ANK1: variants seen among roughly 807,000 people sequenced by gnomAD.
ANK1 encodes ankyrin-1.
In ANK1, 51 loss-of-function variants were observed where a neutral mutation model predicts 210.4. That is an observed-to-expected ratio of 0.24 (90% CI 0.19 to 0.31). The LOEUF (loss-of-function observed/expected upper bound fraction) is 0.31. Ranked by LOEUF, ANK1 falls within the 10% of genes least tolerant of loss-of-function variation. The pLI is 1.00. For synonymous variants in ANK1, 967 were observed against 1,025.9 expected, an observed-to-expected ratio of 0.94 and a Z score of 1.10; for missense variants, 2,051 against 2,504.4, an observed-to-expected ratio of 0.82 and a Z score of 3.86.
chr8:41,892,557 C>A (rs1192294615), intron 1 of ANK1, among the ~76,000 whole-genome samples: 1 of 152,160 alleles, frequency 6.6e-6, no homozygotes, highest in South Asian at 2.1e-4. Context: ...GTAGCAGAGA[C>A]CCTGCAAGGA....
At chr8:41,831,913 C>T (rs1039205975) in intron 1 of ANK1, among the ~76,000 whole-genome samples, 6 of 152,118 alleles carry the variant, frequency 3.9e-5, no homozygotes, top group Non-Finnish European at 5.9e-5. Context: ...TGCTGCTACA[C>T]GGATGCAAGG....
Position 41,692,885 on chromosome 8 carries a change from T to C in ANK1, c.3630-9A>G, listed in dbSNP as rs1431573420. On this transcript the variant is annotated splice_polypyrimidine_tract_variant and intron_variant, in intron 30 of 42. Coordinates refer to ENST00000289734, the MANE Select transcript of ANK1 (RefSeq NM_000037.4). Reference sequence around the variant, plus strand: ...AGTCCGACAGCCAAAACCTAAAAAGTAGGGCGAGTTATGTGTTCCCAAGTG... The same window carrying C: ...AGTCCGACAGCCAAAACCTAAAAAGCAGGGCGAGTTATGTGTTCCCAAGTG... 8 of 1,612,084 alleles carry C rather than the reference T, an allele frequency of 5.0e-6. No homozygotes were observed. Among genetic ancestry groups the C allele is most frequent in the Admixed American group, 3.3e-5 (2 of 59,986 alleles).
At chr8:41,820,261 G>A (rs1416418346) in intron 1 of ANK1, among the ~76,000 whole-genome samples, 1 of 145,774 alleles carries the variant, frequency 6.9e-6, no homozygotes, top group East Asian at 2.0e-4. Flanking sequence ...CTGGACTCAA[G>A]TGATCCTCCT....
In ANK1 at chr8:41,725,885, A is replaced by G. The variant is rs2150659130; in HGVS notation, c.488T>C (p.Leu163Pro). The G allele has an allele frequency of 6.2e-7, 1 of 1,613,512 alleles. No individual in the cohort carries two copies. Among genetic ancestry groups the G allele is most frequent in the Non-Finnish European group, 8.5e-7 (1 of 1,179,930 alleles). ...QQGHENVVAH[L>P]INYGTKGKVR... is the part of the protein sequence containing the mutation. ...CTTCCCCTTGGTGCCGTAGTTGATG[A>G]GGTGCGCGACGACGTTCTCATGGCC... The change falls in exon 6 of 43, where the codon CTC (leucine) becomes CCC (proline). Residue 163 changes from leucine (L) to proline (P), a missense_variant. By Grantham distance (98) the Leu-to-Pro change is moderately conservative. Coordinates refer to ENST00000289734, the MANE Select transcript of ANK1 (RefSeq NM_000037.4).
chr8:41,833,231 C>T (rs1196335567), intron 1 of ANK1, among the ~76,000 whole-genome samples: 2 of 152,186 alleles, frequency 1.3e-5, no homozygotes, highest in African/African-American at 4.8e-5. Context: ...CCCTAGAGAC[C>T]CCTAGATAGA....
chr8:41,756,145 T>A (rs867844892), intron 2 of ANK1, among the ~76,000 whole-genome samples: 15 of 151,972 alleles, frequency 9.9e-5, no homozygotes, highest in Admixed American at 7.9e-4. Flanking sequence ...TATTTATTTA[T>A]TTTATTTATT....
rs1820326393 is a variant in ANK1, at chr8:41,694,707, T to A, written c.3212A>T (p.Gln1071Leu). The A allele has an allele frequency of 1.9e-6, 3 of 1,614,176 alleles. No individual in the cohort carries two copies. The highest frequency in any genetic ancestry group is 2.5e-6 in the Non-Finnish European group (3 of 1,180,024). Residue 1071 changes from glutamine (Q) to leucine (L), a missense_variant, in exon 28 of 43, where the codon CAG (glutamine) becomes CTG (leucine). By Grantham distance (113) the Gln-to-Leu change is moderately radical. Around this residue, in one of 6 missense-constraint regions of ANK1, gnomAD observed 1,413 missense variants for 1,707.4 expected, o/e 0.83. Transcript: ENST00000289734. This position sits in a 1 kb window ranked among gnomAD's most constrained non-coding sequence, Gnocchi z 5.7. The stretch of plus-strand genomic sequence containing the variant: ...TTCGGGACCGATGGTGTCGTAGTCC[T>A]GGCAGAGCCGTGACATGATCACGAA... ...LYFVIMSRLCQDYDTIGPEGG... is the reference protein window; with the variant it reads ...LYFVIMSRLCLDYDTIGPEGG...
chr8:41,769,777 G>A (rs1163161900), intron 1 of ANK1, among the ~76,000 whole-genome samples: 1 of 151,922 alleles, frequency 6.6e-6, no homozygotes, highest in East Asian at 1.9e-4. Context: ...CCTGCCTCCT[G>A]CCGGCCAGTC....
intron 38 of ANK1, among the ~76,000 whole-genome samples, chr8:41,671,985 C>T (rs1269681765): frequency 4.0e-5 from 6 of 149,770 alleles, no homozygotes. Context: ...AGTGAGCACT[C>T]CAGGCACCCT....
upstream of ANK1, among the ~76,000 whole-genome samples, chr8:41,799,783 A>G (rs567304092): frequency 6.6e-6 from 1 of 152,268 alleles, no homozygotes; most frequent in South Asian, 2.1e-4. Context: ...CAGGAAGCGG[A>G]GGAAAAGGCC....
chr8:41,847,658 T>C (rs763997659), intron 1 of ANK1, among the ~76,000 whole-genome samples: 23 of 152,184 alleles, frequency 1.5e-4, no homozygotes, highest in Admixed American at 3.9e-4. Flanking sequence ...TGACTCTAAG[T>C]TCCTGCTCTA....
chr8:41,760,828 C>T (rs189255340), intron 1 of ANK1, among the ~76,000 whole-genome samples: 2 of 152,138 alleles, frequency 1.3e-5, no homozygotes, highest in Admixed American at 6.5e-5. Flanking sequence ...AAGCGTGTGA[C>T]GCCATTCCCA....
At position 41,672,725 on chromosome 8, in the gene ANK1, A is replaced by C; in HGVS notation, c.4725T>G (p.Pro1575=). The part of the protein sequence containing the change: ...DMQVWSAGLT[P]SLVTAEDSSL... ...AGGAGTCCTCAGCAGTGACCAGAGA[A>C]GGCGTGAGGCCCGCAGACCACACCT... The change falls in exon 38 of 43, where the codon CCT becomes CCG. Residue 1575 remains proline (P), a synonymous_variant. Transcript: ENST00000289734. The C allele has an allele frequency of 6.2e-7, 1 of 1,608,584 alleles. No individual in the cohort carries two copies. Among genetic ancestry groups the C allele is most frequent in the Non-Finnish European group, 8.5e-7 (1 of 1,175,968 alleles).
intron 1 of ANK1, among the ~76,000 whole-genome samples, chr8:41,886,156 G>A (rs1818406786): frequency 6.6e-6 from 1 of 152,188 alleles, no homozygotes; most frequent in South Asian, 2.1e-4. Flanking sequence ...GCAGACATGT[G>A]TTTCTCTCTG....
rs539829674 is a variant in ANK1 at position 41,763,360 on chromosome 8, G to A, written c.28-5223C>T. 9.8e-5 allele frequency among the ~76,000 whole-genome samples: 15 copies of A among 152,302 alleles called. No individual in the cohort carries two copies. In the South Asian group the frequency reaches 3.1e-3, roughly 32 times the overall value. On this transcript the variant is annotated intron_variant, in intron 1 of 42. Transcript: ENST00000289734. ...TATAATACCAACCATTGGGACAAATGTATTACCAGCATTATATCTTTTAAT... is the reference window on the plus strand; with the variant it reads ...TATAATACCAACCATTGGGACAAATATATTACCAGCATTATATCTTTTAAT...
intron 1 of ANK1, among the ~76,000 whole-genome samples, chr8:41,763,085 G>A (rs534182567): frequency 2.0e-5 from 3 of 152,234 alleles, no homozygotes; most frequent in African/African-American, 4.8e-5. Context: ...GCATGGTGGT[G>A]CATGCCTGTA....
intron 1 of ANK1, among the ~76,000 whole-genome samples, chr8:41,817,700 A>G (rs1276878106): frequency 1.3e-5 from 2 of 152,246 alleles, no homozygotes; most frequent in African/African-American, 2.4e-5. Context: ...TTAGCTTAGG[A>G]GGGAAGAGCT....
In ANK1 at chr8:41,679,737, T is replaced by G. The variant is rs527560802; in HGVS notation, c.4537+4807A>C. 4.6e-5 allele frequency among the ~76,000 whole-genome samples: 7 copies of G among 151,080 alleles called. No individual in the cohort carries two copies. The East Asian group carries it at 1.4e-3, about 30-fold the overall frequency. The stretch of plus-strand genomic sequence containing the variant: ...ACCATCACGCCAGGCTAATTTTTTT[T>G]GTATTTTTAGTAGAGACGGGGTTTC... On this transcript the variant is annotated intron_variant, in intron 37 of 42. Coordinates refer to ENST00000289734, the MANE Select transcript of ANK1 (RefSeq NM_000037.4).
intron 1 of ANK1, among the ~76,000 whole-genome samples, chr8:41,890,475 G>C (rs917502906): frequency 3.9e-5 from 6 of 152,190 alleles, no homozygotes; most frequent in African/African-American, 1.2e-4. Flanking sequence ...TTGGGAGGCC[G>C]AGGCAGGCGG....
Sources: allele counts gnomAD v4.1 joint callset (sites outside exome capture counted in the v4.1 genomes callset), GRCh38; gene constraint gnomAD v4.1.1; regional missense constraint gnomAD v4.1.1; non-coding constraint Gnocchi (gnomAD v3.1); transcripts MANE v1.5; gene names NCBI Gene and HGNC (gene_info 2026-07-23, HGNC 2026-07-21).